Variants in GIGYF2 observed in about 807,000 individuals in gnomAD.
The protein encoded by GIGYF2 is GRB10 interacting GYF protein 2, also known as GRB10-interacting GYF protein 2.
GIGYF2 carries 25 observed loss-of-function variants against 208.1 expected under a neutral mutation model. The ratio of observed to expected loss-of-function variants is 0.12; its 90% CI spans 0.09 to 0.17. GIGYF2 has a LOEUF of 0.17. Among genes scored for constraint, GIGYF2 ranks in the 10% least tolerant of loss-of-function variants. The pLI, the probability that GIGYF2 is intolerant of heterozygous loss-of-function variation, is 1.00. For synonymous variants in GIGYF2, 534 were observed against 543.8 expected (o/e 0.98, Z 0.25); for missense variants, 1,302 against 1,579.4 (o/e 0.82, Z 2.98).
chr2:232,739,369 C>CCA (rs1553607662), intron 3 of GIGYF2, among the ~76,000 whole-genome samples: 2 of 136,162 alleles, frequency 1.5e-5, no homozygotes, highest in African/African-American at 5.6e-5. Context: ...AAACCCCCCC[C>CCA]CCCCCGCAAA....
intron 6 of GIGYF2, chr2:232,760,008 GCTATTAAGTTATC>G (rs1698685400): frequency 1.2e-5 from 2 of 164,816 alleles, no homozygotes; most frequent in South Asian, 3.1e-4. Context: ...TAGAATTGAT[GCTATTAAGTTATC>G]CTTTCTCTGG....
chr2:232,849,419 C>T (rs1690217419), intron 27 of GIGYF2, among the ~76,000 whole-genome samples: 1 of 152,154 alleles, frequency 6.6e-6, no homozygotes, highest in Non-Finnish European at 1.5e-5. Flanking sequence ...CCTCCTCAGC[C>T]TCCCAAAGTG....
At chr2:232,805,560 T>C (rs1700535842) in intron 14 of GIGYF2, among the ~76,000 whole-genome samples, 2 of 152,222 alleles carry the variant, frequency 1.3e-5, no homozygotes, top group African/African-American at 4.8e-5. Context: ...GTCTGCCTAC[T>C]TTGTTATATT....
intron 5 of GIGYF2, 86 bp downstream of exon 5, chr2:232,749,168 G>A: frequency 1.3e-6 from 1 of 784,694 alleles, no homozygotes; most frequent in Non-Finnish European, 2.3e-6. Context: ...TATGCTCTAA[G>A]GATTATCCTG....
At chr2:232,789,484 G>A (rs947411957) in intron 9 of GIGYF2, among the ~76,000 whole-genome samples, 3 of 152,306 alleles carry the variant, frequency 2.0e-5, no homozygotes, top group South Asian at 2.1e-4. Context: ...AGCAGTCTGA[G>A]TATAAAATTC....
intron 11 of GIGYF2, 25 bp from the exon 12 acceptor site, chr2:232,791,233 C>A: frequency 6.2e-7 from 1 of 1,613,862 alleles, no homozygotes; most frequent in Non-Finnish European, 8.5e-7. Flanking sequence ...TTCGTAAGTT[C>A]AACTAAGATT....
chr2:232,698,542 T>A (rs1445073712), intron 1 of GIGYF2, among the ~76,000 whole-genome samples: 1 of 152,252 alleles, frequency 6.6e-6, no homozygotes, highest in Non-Finnish European at 1.5e-5. Flanking sequence ...TTCTAATATT[T>A]GTAGCTTTGG....
chr2:232,739,201 A>C (rs1248545912), intron 3 of GIGYF2, among the ~76,000 whole-genome samples: 1 of 151,694 alleles, frequency 6.6e-6, no homozygotes, highest in Non-Finnish European at 1.5e-5. Context: ...TCTACTAAAA[A>C]TACAAAGTTA....
At chr2:232,803,063 C>G (rs1339720490) in intron 14 of GIGYF2, among the ~76,000 whole-genome samples, 2 of 152,076 alleles carry the variant, frequency 1.3e-5, no homozygotes, top group African/African-American at 4.8e-5. Context: ...CCATGCCCGG[C>G]TCATTTTAGT....
At chr2:232,738,375 T>G (rs1201275147) in intron 3 of GIGYF2, among the ~76,000 whole-genome samples, 1 of 152,232 alleles carries the variant, frequency 6.6e-6, no homozygotes, top group Non-Finnish European at 1.5e-5. Flanking sequence ...AATAGTGTCT[T>G]TCTTTAAGCC....
At chr2:232,765,792 T>C in intron 8 of GIGYF2, 1 of 362,474 alleles carries the variant, frequency 2.8e-6, no homozygotes, top group East Asian at 7.5e-5. Context: ...CTTCTGGTAC[T>C]TGGTAGTATG....
chr2:232,790,359 A>T (rs1157914781), intron 9 of GIGYF2, among the ~76,000 whole-genome samples: 1 of 152,182 alleles, frequency 6.6e-6, no homozygotes, highest in Non-Finnish European at 1.5e-5. Flanking sequence ...CTGGATGAGG[A>T]GTTGGCGGCT....
chr2:232,729,761 T>A (rs939709305), intron 2 of GIGYF2: 1 of 751,288 alleles, frequency 1.3e-6, no homozygotes, highest in African/African-American at 1.7e-5. Flanking sequence ...ATCCCAAGGT[T>A]TCACATCTAT....
At position 232,840,395 on chromosome 2, in the gene GIGYF2, A is replaced by T. The variant is rs116146641; in HGVS notation, c.2889+424A>T. 7.3e-3 allele frequency among the ~76,000 whole-genome samples: 1,110 copies of T among 152,342 alleles called. 11 individuals are homozygous for T. The highest frequency in any genetic ancestry group is 0.011 in the Non-Finnish European group (746 of 68,026). On this transcript the variant is annotated intron_variant, in intron 23 of 28. Coordinates refer to ENST00000373563, the MANE Select transcript of GIGYF2 (RefSeq NM_001103146.3). The stretch of plus-strand genomic sequence containing the variant: ...ATAAAGTACCTCTGCTTTTAAGTGT[A>T]TATCCTGTAGTTCATCATTAGGGTA...
intron 3 of GIGYF2, chr2:232,735,483 C>T: frequency 2.6e-6 from 1 of 384,572 alleles, no homozygotes; most frequent in South Asian, 7.7e-5. Flanking sequence ...TCCCACCCGC[C>T]CTAGAAAATT....
intron 2 of GIGYF2, among the ~76,000 whole-genome samples, chr2:232,711,233 G>C (rs1161845557): frequency 6.8e-6 from 1 of 147,856 alleles, no homozygotes; most frequent in Non-Finnish European, 1.5e-5. Flanking sequence ...GACTCCAGGC[G>C]TGCCACCATG....
intron 28 of GIGYF2, among the ~76,000 whole-genome samples, chr2:232,852,063 A>G (rs1326330913): frequency 6.6e-6 from 1 of 152,184 alleles, no homozygotes; most frequent in Non-Finnish European, 1.5e-5. Context: ...GCTGAGGGGA[A>G]TTGAGTGTTG....
intron 21 of GIGYF2, among the ~76,000 whole-genome samples, chr2:232,827,126 G>A (rs1441936295): frequency 6.6e-6 from 1 of 152,018 alleles, no homozygotes. Flanking sequence ...CGGTTAATGC[G>A]GCTGGTGACT....
chr2:232,846,033 A>G, intron 26 of GIGYF2, 147 bp downstream of exon 26: 2 of 692,076 alleles, frequency 2.9e-6, no homozygotes, highest in Non-Finnish European at 5.3e-6. Context: ...TTGACTCTTT[A>G]ATAGTATTAC....
Sources: gnomAD v4.1 joint callset for allele counts (sites outside exome capture counted in the v4.1 genomes callset) on GRCh38, gnomAD v4.1.1 for gene constraint, MANE v1.5 for transcripts, NCBI Gene and HGNC (gene_info 2026-07-23, HGNC 2026-07-21) for gene names.